LEO1: variants seen among roughly 807,000 people sequenced by gnomAD.
LEO1 encodes the protein RNA polymerase-associated protein LEO1.
A neutral mutation model predicts 80.4 loss-of-function variants in LEO1; 34 were observed. The ratio of observed to expected loss-of-function variants is 0.42; its 90% CI spans 0.32 to 0.56. The LOEUF (loss-of-function observed/expected upper bound fraction) is 0.56. Among genes scored for constraint, LEO1 ranks in the 20% least tolerant of loss-of-function variants. LEO1 has a pLI of 0.10. For synonymous variants in LEO1, 262 were observed against 274.9 expected, an observed-to-expected ratio of 0.95 and a Z score of 0.46; for missense variants, 631 against 814.2, an observed-to-expected ratio of 0.77 and a Z score of 2.74.
intron 1 of LEO1, among the ~76,000 whole-genome samples, chr15:51,970,118 C>A (rs962888955): frequency 6.6e-6 from 1 of 152,104 alleles, no homozygotes; most frequent in African/African-American, 2.4e-5. Flanking sequence ...ATAATACCCT[C>A]CTCCCAAAAT....
intron 2 of LEO1, among the ~76,000 whole-genome samples, chr15:51,964,564 C>A (rs2959294): frequency 0.38 from 56,099 of 147,530 alleles, 10,926 homozygotes; most frequent in Admixed American, 0.44. Context: ...AAAAAAAAAA[C>A]CTCTACTCTG....
intron 11 of LEO1, 116 bp from the exon 12 acceptor site, chr15:51,938,376 G>T: frequency 1.6e-6 from 1 of 632,490 alleles, no homozygotes; most frequent in Non-Finnish European, 2.8e-6. Context: ...AACGGTTCCT[G>T]CAGGTTGTGA....
intron 11 of LEO1, among the ~76,000 whole-genome samples, chr15:51,942,063 G>C (rs1293615670): frequency 6.6e-6 from 1 of 152,196 alleles, no homozygotes; most frequent in Non-Finnish European, 1.5e-5. Flanking sequence ...TTTAATCTCA[G>C]AGGCATACCT....
chr15:51,943,498 G>A (rs554296177), intron 11 of LEO1, among the ~76,000 whole-genome samples: 6 of 148,564 alleles, frequency 4.0e-5, no homozygotes, highest in East Asian at 2.0e-4. Context: ...TCAGGAGTTC[G>A]AGACCAGCCT....
chr15:51,938,351 C>G, intron 11 of LEO1, 91 bp from the exon 12 acceptor site: 1 of 714,404 alleles, frequency 1.4e-6, no homozygotes, highest in Non-Finnish European at 2.4e-6. Context: ...GAATGACCCT[C>G]TGACAACTCA....
chr15:51,938,979 G>GT (rs1390241863), intron 11 of LEO1, among the ~76,000 whole-genome samples: 1 of 152,188 alleles, frequency 6.6e-6, no homozygotes, highest in Non-Finnish European at 1.5e-5. Flanking sequence ...GAGGTCAGGA[G>GT]TTTGAGACCA....
At chr15:51,950,738 G>A (rs758111252) in intron 9 of LEO1, among the ~76,000 whole-genome samples, 3 of 152,142 alleles carry the variant, frequency 2.0e-5, no homozygotes, top group Admixed American at 2.0e-4. Context: ...GTGGCTGTAC[G>A]GAGGTTAGAG....
At chr15:51,946,769 T>G (rs992090056) in intron 11 of LEO1, among the ~76,000 whole-genome samples, 2 of 152,080 alleles carry the variant, frequency 1.3e-5, no homozygotes, top group Non-Finnish European at 2.9e-5. Flanking sequence ...CTCAAACTCC[T>G]GAGCTCAAGC....
At chr15:51,957,859 A>G (rs981107258) in intron 6 of LEO1, among the ~76,000 whole-genome samples, 1 of 152,012 alleles carries the variant, frequency 6.6e-6, no homozygotes, top group Non-Finnish European at 1.5e-5. Context: ...TGTCTCTACT[A>G]AAAATACAAA....
At chr15:51,961,224 A>G (rs2057027596) in intron 3 of LEO1, among the ~76,000 whole-genome samples, 1 of 152,146 alleles carries the variant, frequency 6.6e-6, no homozygotes, top group South Asian at 2.1e-4. Flanking sequence ...CTCTACTAAA[A>G]ATACAAAAAC....
intron 11 of LEO1, among the ~76,000 whole-genome samples, chr15:51,946,456 A>G (rs920888642): frequency 1.3e-5 from 2 of 152,220 alleles, no homozygotes; most frequent in African/African-American, 4.8e-5. Context: ...TCGGCCTCCC[A>G]AAGTGCTGGG....
chr15:51,960,559 T>C (rs2057021817), intron 4 of LEO1, 80 bp downstream of exon 4: 11 of 787,502 alleles, frequency 1.4e-5, no homozygotes, highest in Non-Finnish European at 2.0e-5. Flanking sequence ...ATCAACTTCC[T>C]TTCCTGGAAT....
intron 1 of LEO1, among the ~76,000 whole-genome samples, chr15:51,968,944 A>G (rs2057100507): frequency 1.3e-5 from 2 of 152,160 alleles, no homozygotes; most frequent in African/African-American, 4.8e-5. Flanking sequence ...TAACTCAACA[A>G]TAAAACCAAT....
chr15:51,969,896 A>C (rs2141787266), intron 1 of LEO1, among the ~76,000 whole-genome samples: 1 of 152,092 alleles, frequency 6.6e-6, no homozygotes, highest in African/African-American at 2.4e-5. Context: ...GGGAAAGTGT[A>C]AACTGAAACC....
In LEO1 at chr15:51,938,160, T is replaced by A. The variant is rs1322924106; in HGVS notation, c.1997A>T (p.Asp666Val). ...VISDEEEEDD[D>V] Reference sequence around the variant, plus strand: ...AATGTTTTCATATTTCATACTTCAATCATCATCTTCTTCCTCTTCATCGCT... The same window carrying A: ...AATGTTTTCATATTTCATACTTCAAACATCATCTTCTTCCTCTTCATCGCT... Residue 666 changes from aspartate to valine, a missense_variant, in exon 12 of 12, where the codon GAT (aspartate) becomes GTT (valine). Physicochemically the swap from Asp to Val is radical, Grantham distance 152. This residue lies in a region of LEO1 where 117 missense variants were observed against 163.5 expected (regional missense o/e 0.72). Transcript: ENST00000299601. 2 of 1,523,622 alleles carry A rather than the reference T, an allele frequency of 1.3e-6. No individual in the cohort carries two copies. The highest frequency in any genetic ancestry group is 2.7e-5 in the African/African-American group (2 of 73,090). The allele number at this position is 1,523,622 out of a possible 1,614,324, so 94.4% of individuals were successfully genotyped here.
chr15:51,966,119 T>C lies in LEO1; in HGVS notation c.444A>G (p.Glu148=). 1 of 1,614,052 alleles carries C rather than the reference T, an allele frequency of 6.2e-7. No individual in the cohort carries two copies. The highest frequency in any genetic ancestry group is 8.5e-7 in the Non-Finnish European group (1 of 1,180,028). The change falls in exon 2 of 12, where the codon GAA becomes GAG. Residue 148 remains glutamate, a synonymous_variant. Coordinates refer to ENST00000299601, the MANE Select transcript of LEO1 (RefSeq NM_138792.4). ...CATCATCTGACTGGTCACTTTTATC[T>C]TCTCTGCCCCATTTTTCATCATCTG... The part of the protein sequence containing the change: ...AHSDDEKWGR[E]DKSDQSDDEK...
intron 3 of LEO1, among the ~76,000 whole-genome samples, chr15:51,962,102 G>A (rs2057035574): frequency 6.6e-6 from 1 of 151,338 alleles, no homozygotes; most frequent in Non-Finnish European, 1.5e-5. Context: ...GGCAGCAGTT[G>A]CAATAAGCTG....
At chr15:51,958,909 C>A (rs1200174125) in intron 5 of LEO1, 83 bp from the exon 6 acceptor site, 5 of 622,282 alleles carry the variant, frequency 8.0e-6, no homozygotes, top group Non-Finnish European at 1.4e-5. Flanking sequence ...TATTAATAAA[C>A]ACCATTATAT....
intron 10 of LEO1, 31 bp from the exon 11 acceptor site, chr15:51,947,420 C>T (rs1566881066): frequency 1.5e-5 from 18 of 1,191,502 alleles, no homozygotes; most frequent in Middle Eastern, 2.1e-4. Context: ...TGTGAGTCAC[C>T]TTTTTTTTTT....
Sources: gnomAD v4.1 joint callset for allele counts (sites outside exome capture counted in the v4.1 genomes callset) on GRCh38, gnomAD v4.1.1 for gene constraint, gnomAD v4.1.1 regional missense constraint, MANE v1.5 for transcripts, NCBI Gene and HGNC (gene_info 2026-07-23, HGNC 2026-07-21) for gene names.